NCAM2: variants seen among roughly 807,000 people sequenced by gnomAD.
The protein encoded by NCAM2 is neural cell adhesion molecule 2.
NCAM2 carries 30 observed loss-of-function variants against 98.1 expected under a neutral mutation model. The observed-to-expected ratio is 0.31, with a 90% CI of 0.23 to 0.41. The LOEUF (loss-of-function observed/expected upper bound fraction) is 0.41, where lower values mean the gene tolerates loss of function less well. NCAM2 is among the 10% of genes least tolerant of loss of function. The pLI, the probability that NCAM2 is intolerant of heterozygous loss-of-function variation, is 1.00. For missense variants in NCAM2, 867 were observed against 1,005.8 expected, an observed-to-expected ratio of 0.86 and a Z score of 1.87; for synonymous variants, 368 against 342.4, an observed-to-expected ratio of 1.07 and a Z score of -0.83.
intron 1 of NCAM2, among the ~76,000 whole-genome samples, chr21:21,038,565 C>T (rs1362116555): frequency 6.6e-6 from 1 of 152,150 alleles, no homozygotes; most frequent in African/African-American, 2.4e-5. Context: ...CCTTAATCCC[C>T]TTTTGCTCAG....
chr21:21,215,008 G>T (rs1188888352), intron 1 of NCAM2, among the ~76,000 whole-genome samples: 2 of 151,726 alleles, frequency 1.3e-5, no homozygotes, highest in Non-Finnish European at 2.9e-5. Flanking sequence ...GAAATATGCT[G>T]ATTTTAGAAG....
chr21:21,104,790 C>T (rs1360318858), intron 1 of NCAM2, among the ~76,000 whole-genome samples: 4 of 151,958 alleles, frequency 2.6e-5, no homozygotes, highest in African/African-American at 9.7e-5. Flanking sequence ...GTGATCAATA[C>T]AATATGGCAG....
chr21:21,366,209 T>C (rs1056704653), intron 8 of NCAM2, among the ~76,000 whole-genome samples: 2 of 152,098 alleles, frequency 1.3e-5, no homozygotes, highest in African/African-American at 4.8e-5. Flanking sequence ...GCAATGACTA[T>C]AGTTAACATT....
intron 6 of NCAM2, among the ~76,000 whole-genome samples, chr21:21,326,427 T>G (rs940175618): frequency 1.2e-4 from 18 of 152,198 alleles, no homozygotes; most frequent in African/African-American, 4.1e-4. Flanking sequence ...TTTGGTCAGT[T>G]TAGTTGTCTG....
intron 1 of NCAM2, among the ~76,000 whole-genome samples, chr21:21,021,113 T>C (rs2146185989): frequency 6.6e-6 from 1 of 152,312 alleles, no homozygotes; most frequent in Admixed American, 6.5e-5. Flanking sequence ...TTCCCAGCAA[T>C]TTATTGCATT....
intron 12 of NCAM2, among the ~76,000 whole-genome samples, chr21:21,460,812 A>G (rs1222050716): frequency 6.6e-6 from 1 of 151,914 alleles, no homozygotes; most frequent in Admixed American, 6.6e-5. Flanking sequence ...AACTGAGAAA[A>G]ATTATATAGA....
At chr21:21,517,118 G>C (rs1988756040) in intron 16 of NCAM2, among the ~76,000 whole-genome samples, 1 of 151,994 alleles carries the variant, frequency 6.6e-6, no homozygotes, top group Non-Finnish European at 1.5e-5. Flanking sequence ...TGTTTCTGTG[G>C]TCCTCATCTC....
intron 1 of NCAM2, among the ~76,000 whole-genome samples, chr21:21,173,397 C>A (rs546219932): frequency 6.6e-6 from 1 of 151,848 alleles, no homozygotes; most frequent in Non-Finnish European, 1.5e-5. Flanking sequence ...CTTTTTTTTC[C>A]GTTTCATTTA....
intron 1 of NCAM2, among the ~76,000 whole-genome samples, chr21:21,037,702 G>A (rs2064826197): frequency 6.6e-6 from 1 of 152,148 alleles, no homozygotes; most frequent in Admixed American, 6.5e-5. Context: ...CATATTACTG[G>A]AATTTGGATT....
intron 4 of NCAM2, among the ~76,000 whole-genome samples, chr21:21,287,119 T>TG (rs2073131044): frequency 6.6e-6 from 1 of 152,024 alleles, no homozygotes. Flanking sequence ...TTTGCTTACA[T>TG]TATGTTCCTT....
chr21:21,347,717 A>T (rs1375851968), intron 8 of NCAM2, among the ~76,000 whole-genome samples: 1 of 152,080 alleles, frequency 6.6e-6, no homozygotes, highest in Admixed American at 6.6e-5. Context: ...ATGAATATTG[A>T]TGCAAAAATC....
intron 5 of NCAM2, among the ~76,000 whole-genome samples, chr21:21,307,229 T>C (rs528885231): frequency 4.6e-5 from 7 of 152,166 alleles, no homozygotes; most frequent in Non-Finnish European, 8.8e-5. Flanking sequence ...TTTGAATATT[T>C]TAATGAATCA....
chr21:21,323,837 G>A (rs2074440215), intron 5 of NCAM2, among the ~76,000 whole-genome samples: 1 of 152,094 alleles, frequency 6.6e-6, no homozygotes, highest in Non-Finnish European at 1.5e-5. Flanking sequence ...TAGTTAATCA[G>A]AAAGAACATT....
At chr21:21,393,258 A>T (rs2076420843) in intron 9 of NCAM2, among the ~76,000 whole-genome samples, 1 of 152,026 alleles carries the variant, frequency 6.6e-6, no homozygotes, top group Admixed American at 6.5e-5. Flanking sequence ...GTAGTTATAG[A>T]TGTGCATTCT....
At chr21:21,065,413 C>A (rs1327621370) in intron 1 of NCAM2, among the ~76,000 whole-genome samples, 3 of 152,056 alleles carry the variant, frequency 2.0e-5, no homozygotes, top group African/African-American at 7.2e-5. Context: ...ACAACAAAAA[C>A]TACCTAATAC....
intron 5 of NCAM2, among the ~76,000 whole-genome samples, chr21:21,307,917 C>T (rs1481140223): frequency 6.6e-6 from 1 of 152,024 alleles, no homozygotes; most frequent in African/African-American, 2.4e-5. Context: ...ATGATAATTT[C>T]CTCACTTAAT....
At chr21:21,344,299 A>G (rs2075128972) in intron 8 of NCAM2, among the ~76,000 whole-genome samples, 1 of 152,124 alleles carries the variant, frequency 6.6e-6, no homozygotes, top group Non-Finnish European at 1.5e-5. Flanking sequence ...GGGTCCAAAT[A>G]ATAGCACAGC....
intron 1 of NCAM2, among the ~76,000 whole-genome samples, chr21:21,036,024 A>T (rs1452766752): frequency 6.6e-6 from 1 of 152,214 alleles, no homozygotes; most frequent in Non-Finnish European, 1.5e-5. Context: ...ATAATTTAAC[A>T]TATGAAATAA....
chr21:21,213,096 T>TATGA (rs2069728213), intron 1 of NCAM2, among the ~76,000 whole-genome samples: 1 of 152,320 alleles, frequency 6.6e-6, no homozygotes, highest in East Asian at 1.9e-4. Context: ...TGAGTCAATG[T>TATGA]ATGAATGAAT....
Sources: allele counts gnomAD v4.1 joint callset (sites outside exome capture counted in the v4.1 genomes callset), GRCh38; gene constraint gnomAD v4.1.1; transcripts MANE v1.5; gene names NCBI Gene and HGNC (gene_info 2026-07-23, HGNC 2026-07-21).